Variants in ABHD2 observed in about 807,000 individuals in gnomAD.
ABHD2 encodes monoacylglycerol lipase ABHD2.
ABHD2 carries 20 observed loss-of-function variants against 48.1 expected under a neutral mutation model. That is an observed-to-expected ratio of 0.42 (90% CI 0.29 to 0.60). ABHD2 has a LOEUF of 0.60. Ranked by LOEUF, ABHD2 falls within the 20% of genes least tolerant of loss-of-function variation. The pLI is 0.24. For missense variants in ABHD2, 405 were observed against 550.9 expected (o/e 0.74, Z 2.65); for synonymous variants, 209 against 214.2 (o/e 0.98, Z 0.21).
At chr15:89,147,197 A>G (rs1465334506) in intron 3 of ABHD2, among the ~76,000 whole-genome samples, 1 of 152,194 alleles carries the variant, frequency 6.6e-6, no homozygotes, top group African/African-American at 2.4e-5. Flanking sequence ...TGCAAGGACA[A>G]TGAGCTAGTC....
intron 3 of ABHD2, among the ~76,000 whole-genome samples, chr15:89,127,694 T>TATATATATATACATATATATATATACAC (rs1245066803): frequency 1.5e-4 from 17 of 110,310 alleles, no homozygotes; most frequent in African/African-American, 4.0e-4. Context: ...TCTCAGTGAA[T>TATATATATATACATATATATATATACAC]ATATATATAT....
chr15:89,062,579 G>C, the ABHD2 span, among the ~76,000 whole-genome samples: 4 of 152,038 alleles, frequency 2.6e-5, no homozygotes, highest in African/African-American at 9.7e-5. Context: ...GTAGAGACAG[G>C]GTTTCACCAC....
At chr15:89,054,387 A>C in the ABHD2 span, among the ~76,000 whole-genome samples, 3 of 152,050 alleles carry the variant, frequency 2.0e-5, no homozygotes, top group Non-Finnish European at 4.4e-5. Context: ...TGCATGTCAG[A>C]AATTGTACTT....
rs2049715976 is a variant in ABHD2 at position 89,102,448 on chromosome 15, A to G, written c.-106-11277A>G. ...GTGGGGAGTGAGGTGGAATGTCAGG[A>G]GGGCGTAGTTTGCAAAACATCCCTC... is the stretch of plus-strand genomic sequence containing the variant. On this transcript the variant is annotated intron_variant, in intron 1 of 10. Coordinates refer to ENST00000352732, the MANE Select transcript of ABHD2 (RefSeq NM_152924.5). The surrounding 1 kb of genome is among the most constrained non-coding windows in gnomAD (Gnocchi z 4.8). 6.6e-6 allele frequency: 1 copy of G among 152,202 alleles called. No homozygotes were observed. Among genetic ancestry groups the G allele is most frequent in the Admixed American group, 6.5e-5 (1 of 15,278 alleles). The allele number at this position is 152,202 out of a possible 1,614,324, so 9.4% of individuals were successfully genotyped here.
intron 3 of ABHD2, among the ~76,000 whole-genome samples, chr15:89,125,864 C>T (rs1481233180): frequency 2.0e-5 from 3 of 152,196 alleles, no homozygotes; most frequent in Non-Finnish European, 4.4e-5. Context: ...TCCACCTTCT[C>T]TAACCTAGAT....
intron 3 of ABHD2, among the ~76,000 whole-genome samples, chr15:89,124,385 C>A (rs941813861): frequency 6.6e-6 from 1 of 152,214 alleles, no homozygotes; most frequent in Non-Finnish European, 1.5e-5. Context: ...TGCAACTTCA[C>A]ACACTCTCTT....
intron 1 of ABHD2, among the ~76,000 whole-genome samples, chr15:89,099,834 G>A (rs935308611): frequency 3.3e-5 from 5 of 149,490 alleles, no homozygotes; most frequent in African/African-American, 9.9e-5. Flanking sequence ...GCTTGAACCC[G>A]GGAGGTGGAG....
At chr15:89,077,918 C>T in the ABHD2 span, among the ~76,000 whole-genome samples, 1 of 152,170 alleles carries the variant, frequency 6.6e-6, no homozygotes, top group Non-Finnish European at 1.5e-5. Context: ...ACTCCAAATC[C>T]CCTTGTCTAC....
intron 4 of ABHD2, among the ~76,000 whole-genome samples, chr15:89,152,291 G>T (rs975316878): frequency 1.3e-5 from 2 of 152,202 alleles, no homozygotes; most frequent in African/African-American, 2.4e-5. Flanking sequence ...GTGTTAGCCA[G>T]GATGGTCTCG....
At chr15:89,078,349 T>G in the ABHD2 span, among the ~76,000 whole-genome samples, 19 of 152,296 alleles carry the variant, frequency 1.2e-4, no homozygotes, top group African/African-American at 4.6e-4. Context: ...GGCATATAAC[T>G]GTGAAAAGAA....
In ABHD2 at chr15:89,199,109, G is replaced by A. The variant is rs1328735426; in HGVS notation, c.*3686G>A. ...TCTTCATTAAAGCTGAACTTTCTGG[G>A]TAGCTGAGCTTATATGCCCGGCATC... On this transcript the variant is annotated 3_prime_UTR_variant, in exon 11 of 11. Transcript: ENST00000352732. This position sits in a 1 kb window ranked among gnomAD's most constrained non-coding sequence, Gnocchi z 4.1. 6.6e-6 allele frequency: 1 copy of A among 151,576 alleles called. No homozygotes were observed. The highest frequency in any genetic ancestry group is 1.5e-5 in the Non-Finnish European group (1 of 67,996). 9.4% of individuals were successfully genotyped at this position (151,576 alleles called of 1,614,324 possible).
intron 3 of ABHD2, among the ~76,000 whole-genome samples, chr15:89,123,454 G>A (rs2050082906): frequency 6.6e-6 from 1 of 152,130 alleles, no homozygotes; most frequent in African/African-American, 2.4e-5. Flanking sequence ...GACTCATCGT[G>A]GGGAGGCATT....
At chr15:89,181,416 G>A (rs1283315016) in intron 6 of ABHD2, among the ~76,000 whole-genome samples, 2 of 152,000 alleles carry the variant, frequency 1.3e-5, no homozygotes, top group South Asian at 2.1e-4. Context: ...TATTCTTAAG[G>A]TTTCATTAGC....
chr15:89,201,822 AG>A lies in ABHD2; in HGVS notation c.*6404del, dbSNP rs2051468616. On this transcript the variant is annotated 3_prime_UTR_variant, in exon 11 of 11. Coordinates refer to ENST00000352732, the MANE Select transcript of ABHD2 (RefSeq NM_152924.5). Reference sequence around the variant, plus strand: ...CGCCATTGGAGAGACAGCGCAGAGCAGGGGGCGGCTTGCTCGCTGGGGGCGG... The same window carrying A: ...CGCCATTGGAGAGACAGCGCAGAGCAGGGGCGGCTTGCTCGCTGGGGGCGG... 3 of 1,245,578 alleles carry A rather than the reference AG, an allele frequency of 2.4e-6. No individual in the cohort carries two copies. The highest frequency in any genetic ancestry group is 3.5e-6 in the Non-Finnish European group (3 of 860,992). The allele number at this position is 1,245,578 out of a possible 1,614,324, so 77.2% of individuals were successfully genotyped here.
intron 5 of ABHD2, among the ~76,000 whole-genome samples, chr15:89,160,181 C>T (rs890589218): frequency 2.6e-5 from 4 of 152,164 alleles, no homozygotes; most frequent in Non-Finnish European, 5.9e-5. Context: ...AATCCTTCAC[C>T]AAAGGTGGCC....
chr15:89,093,263 C>T (rs1901672381), intron 1 of ABHD2, among the ~76,000 whole-genome samples: 2 of 147,096 alleles, frequency 1.4e-5, no homozygotes, highest in South Asian at 4.3e-4. Context: ...TCGCTGCAAC[C>T]TCTGCTTCGC....
the ABHD2 span, among the ~76,000 whole-genome samples, chr15:89,049,486 G>T: frequency 9.8e-5 from 15 of 152,322 alleles, no homozygotes; most frequent in South Asian, 2.5e-3. Flanking sequence ...CCCTCCCCCA[G>T]CCTCGCTGCC....
intron 6 of ABHD2, among the ~76,000 whole-genome samples, chr15:89,178,113 C>T (rs1219882862): frequency 1.3e-5 from 2 of 152,200 alleles, no homozygotes; most frequent in African/African-American, 2.4e-5. Context: ...GGCACACCAA[C>T]CTCATGCAAC....
chr15:89,157,772 G>A (rs2050697773), intron 5 of ABHD2, among the ~76,000 whole-genome samples: 1 of 151,966 alleles, frequency 6.6e-6, no homozygotes, highest in African/African-American at 2.4e-5. Context: ...GAACCTGGGA[G>A]GTGGAGCTTG....
Sources: allele counts gnomAD v4.1 joint callset (sites outside exome capture counted in the v4.1 genomes callset), GRCh38; gene constraint gnomAD v4.1.1; non-coding constraint Gnocchi (gnomAD v3.1); transcripts MANE v1.5; gene names NCBI Gene and HGNC (gene_info 2026-07-23, HGNC 2026-07-21).